The following MAST4 variants were observed in gnomAD, a reference collection of about 807,000 sequenced individuals.
The protein encoded by MAST4 is microtubule-associated serine/threonine-protein kinase 4.
MAST4 carries 89 observed loss-of-function variants against 162.7 expected under a neutral mutation model. The ratio of observed to expected loss-of-function variants is 0.55; its 90% CI spans 0.46 to 0.65. MAST4 has a LOEUF of 0.65. MAST4 is among the 30% of genes least tolerant of loss of function. The pLI, the probability that MAST4 is intolerant of heterozygous loss-of-function variation, is 0.00. For synonymous variants in MAST4, 1,479 were observed against 1,361.1 expected (o/e 1.09, Z -1.91); for missense variants, 3,153 against 3,374.0 (o/e 0.93, Z 1.62).
intron 4 of MAST4, among the ~76,000 whole-genome samples, chr5:67,025,044 C>T (rs1157362187): frequency 6.6e-6 from 1 of 152,090 alleles, no homozygotes; most frequent in African/African-American, 2.4e-5. Flanking sequence ...ATTGACAAGA[C>T]ATTGTGGATT....
At chr5:67,033,950 C>T (rs964107498) in intron 4 of MAST4, among the ~76,000 whole-genome samples, 1 of 152,060 alleles carries the variant, frequency 6.6e-6, no homozygotes, top group East Asian at 1.9e-4. Context: ...ATTTGTAACC[C>T]TGTTTATCTA....
intron 5 of MAST4, among the ~76,000 whole-genome samples, chr5:67,083,589 T>A (rs1160486585): frequency 6.6e-6 from 1 of 152,168 alleles, no homozygotes; most frequent in African/African-American, 2.4e-5. Flanking sequence ...TATCTAATTA[T>A]GTTAAGGAAT....
At chr5:66,927,508 C>G (rs775560400) in intron 4 of MAST4, among the ~76,000 whole-genome samples, 2 of 152,160 alleles carry the variant, frequency 1.3e-5, no homozygotes, top group Admixed American at 6.5e-5. Flanking sequence ...ATGTGCCTGT[C>G]CCTTACTCTC....
intron 4 of MAST4, chr5:66,986,616 ATATTTATT>A: frequency 5.0e-6 from 1 of 199,464 alleles, no homozygotes; most frequent in Non-Finnish European, 9.4e-6. Flanking sequence ...ATATATATAT[ATATTTATT>A]TATTTATTTA....
chr5:66,715,986 G>T (rs1402144038), intron 1 of MAST4, among the ~76,000 whole-genome samples: 1 of 151,836 alleles, frequency 6.6e-6, no homozygotes, highest in African/African-American at 2.4e-5. Context: ...GAACCATTTG[G>T]TCACAGGAAA....
chr5:67,081,032 A>AATATAATATATAATTGTATATATT (rs1561626079), intron 5 of MAST4, among the ~76,000 whole-genome samples: 1 of 135,094 alleles, frequency 7.4e-6, no homozygotes, highest in Admixed American at 8.1e-5. Flanking sequence ...TATATTATAT[A>AATATAATATATAATTGTATATATT]ATATAATATA....
chr5:66,815,555 T>A (rs1027261592), intron 3 of MAST4, among the ~76,000 whole-genome samples: 11 of 152,240 alleles, frequency 7.2e-5, no homozygotes, highest in Non-Finnish European at 1.5e-4. Flanking sequence ...TCCTGGAACT[T>A]ATCCCTGGAG....
chr5:66,738,547 G>C (rs577974592), intron 1 of MAST4, among the ~76,000 whole-genome samples: 5 of 152,306 alleles, frequency 3.3e-5, no homozygotes, highest in South Asian at 2.1e-4. Context: ...ATGTTCTAAT[G>C]GGGGAGGGAG....
intron 3 of MAST4, among the ~76,000 whole-genome samples, chr5:66,840,749 C>G (rs1159981208): frequency 1.3e-5 from 2 of 152,172 alleles, no homozygotes; most frequent in African/African-American, 4.8e-5. Context: ...TAGCTACTGC[C>G]TGTTTACTCT....
rs542028598 is a variant in MAST4, at chr5:66,720,074, A to G, written c.364-39635A>G. On this transcript the variant is annotated intron_variant, in intron 1 of 28. Coordinates refer to ENST00000403625, the MANE Select transcript of MAST4 (RefSeq NM_001164664.2). ...TTTACGTATTTCTGAGGTTAACGCA[A>G]AGGCCTTCGGTAGTTCATTGTGAAA... Among the ~76,000 whole-genome samples the G allele has an allele frequency of 5.9e-5, 9 of 152,342 alleles. No homozygotes were observed. The South Asian group carries it at 1.9e-3, about 32-fold the overall frequency.
At chr5:66,619,395 C>T (rs765661726) in intron 1 of MAST4, among the ~76,000 whole-genome samples, 43 of 95,822 alleles carry the variant, frequency 4.5e-4, no homozygotes, top group Non-Finnish European at 7.3e-4. Flanking sequence ...TCCCTGAAAA[C>T]TCATAAAAAT....
At chr5:66,775,033 G>GTA (rs1754529074) in intron 2 of MAST4, among the ~76,000 whole-genome samples, 1 of 109,120 alleles carries the variant, frequency 9.2e-6, no homozygotes. Context: ...GTGTGTGTGT[G>GTA]TGTATGTGTG....
At chr5:66,721,933 C>G (rs10057223) in intron 1 of MAST4, among the ~76,000 whole-genome samples, 1 of 151,488 alleles carries the variant, frequency 6.6e-6, no homozygotes, top group Non-Finnish European at 1.5e-5. Flanking sequence ...CCTTCAAATA[C>G]ATCCAGAATC....
chr5:66,859,711 A>G (rs1471884102), intron 3 of MAST4, among the ~76,000 whole-genome samples: 1 of 152,232 alleles, frequency 6.6e-6, no homozygotes, highest in Non-Finnish European at 1.5e-5. Flanking sequence ...ACATGAGATG[A>G]GTGATTTAAA....
intron 3 of MAST4, among the ~76,000 whole-genome samples, chr5:66,809,893 AC>A (rs1369808692): frequency 6.6e-6 from 1 of 152,048 alleles, no homozygotes; most frequent in East Asian, 1.9e-4. Context: ...GCACCACCAC[AC>A]CCAGGTAATT....
chr5:67,012,779 A>G (rs1450857241), intron 4 of MAST4, among the ~76,000 whole-genome samples: 1 of 152,232 alleles, frequency 6.6e-6, no homozygotes, highest in Admixed American at 6.5e-5. Context: ...TTGGTTGTAA[A>G]TTCTGAAAAT....
intron 5 of MAST4, among the ~76,000 whole-genome samples, chr5:67,082,074 A>G (rs1261510003): frequency 6.6e-6 from 1 of 152,068 alleles, no homozygotes; most frequent in East Asian, 1.9e-4. Context: ...AAATTTCATA[A>G]CCTGAATCTA....
At chr5:67,118,818 T>C (rs1767238702) in intron 13 of MAST4, 69 bp downstream of exon 13, 1 of 897,542 alleles carries the variant, frequency 1.1e-6, no homozygotes, top group East Asian at 2.6e-5. Flanking sequence ...TTGGCTATGT[T>C]AGTTTATTTG....
intron 3 of MAST4, chr5:66,792,270 TC>T: frequency 6.0e-6 from 1 of 168,040 alleles, no homozygotes. Flanking sequence ...GATGATCCTC[TC>T]CTCCTGGCCT....
Sources: allele counts gnomAD v4.1 joint callset (sites outside exome capture counted in the v4.1 genomes callset), GRCh38; gene constraint gnomAD v4.1.1; transcripts MANE v1.5; gene names NCBI Gene and HGNC (gene_info 2026-07-23, HGNC 2026-07-21).